CEP70: variants seen among roughly 807,000 people sequenced by gnomAD.
The protein encoded by CEP70 is centrosomal protein 70, also known as centrosomal protein of 70 kDa.
CEP70 carries 70 observed loss-of-function variants against 90.9 expected under a neutral mutation model. The observed-to-expected ratio is 0.77, with a 90% CI of 0.64 to 0.94. CEP70 has a LOEUF of 0.94. Ranked by LOEUF, CEP70 falls within the 40% of genes least tolerant of loss-of-function variation. The probability of loss-of-function intolerance (pLI) is 0.00; values close to 1 mark genes in which losing one functional copy is unlikely to be tolerated. For synonymous variants in CEP70, 220 were observed against 228.3 expected (o/e 0.96, Z 0.33); for missense variants, 648 against 669.0 (o/e 0.97, Z 0.35).
chr3:138,502,057 A>G (rs2034561778), intron 13 of CEP70, among the ~76,000 whole-genome samples: 1 of 152,252 alleles, frequency 6.6e-6, no homozygotes, highest in Non-Finnish European at 1.5e-5. Flanking sequence ...AAAGAAATGT[A>G]ATGTGAGCCA....
rs2034419802 is a variant in CEP70, at chr3:138,500,644, T to C, written c.1369-77A>G. On this transcript the variant is annotated intron_variant, in intron 14 of 17. Coordinates refer to ENST00000264982, the MANE Select transcript of CEP70 (RefSeq NM_024491.4). ...CAAATAAAAACTTTTAAAAGACAAA[T>C]AGAACTCTAGTAGAACAAATATCAA... The C allele has an allele frequency of 3.3e-6, 5 of 1,500,406 alleles. No homozygotes were observed. The South Asian group carries it at 4.1e-5, about 12-fold the overall frequency. The allele number at this position is 1,500,406 out of a possible 1,614,324, so 92.9% of individuals were successfully genotyped here.
chr3:138,565,882 C>T (rs1449773902), intron 6 of CEP70, among the ~76,000 whole-genome samples: 1 of 152,102 alleles, frequency 6.6e-6, no homozygotes, highest in Non-Finnish European at 1.5e-5. Context: ...TCAGAGTGAA[C>T]AGGCAACCTA....
chr3:138,543,238 T>C (rs1312227984), intron 6 of CEP70, among the ~76,000 whole-genome samples: 1 of 152,172 alleles, frequency 6.6e-6, no homozygotes, highest in Admixed American at 6.5e-5. Flanking sequence ...GCCCAGGCTG[T>C]CTGCACTGCA....
chr3:138,541,240 T>G (rs1576735045), intron 6 of CEP70, among the ~76,000 whole-genome samples: 2 of 152,050 alleles, frequency 1.3e-5, no homozygotes, highest in African/African-American at 4.8e-5. Flanking sequence ...GTTTAATAAA[T>G]AAGTACATTC....
Position 138,571,029 on chromosome 3 carries a change from C to T in CEP70, c.284+5G>A. ...ATTCAAAAGAAATCTTTTCCATTTT[C>T]TCACCTAAGCTGTTGATTAGTTTCT... On this transcript the variant is annotated splice_donor_5th_base_variant and intron_variant, in intron 5 of 17. Transcript: ENST00000264982. 6.6e-7 allele frequency: 1 copy of T among 1,525,946 alleles called. No individual in the cohort carries two copies. The highest frequency in any genetic ancestry group is 8.8e-7 in the Non-Finnish European group (1 of 1,139,906). 94.5% of individuals were successfully genotyped at this position (1,525,946 alleles called of 1,614,324 possible).
chr3:138,531,070 A>G (rs1413056774), intron 8 of CEP70, among the ~76,000 whole-genome samples: 2 of 152,176 alleles, frequency 1.3e-5, no homozygotes, highest in African/African-American at 4.8e-5. Context: ...ATCTGACCCA[A>G]GGATAATTTG....
intron 6 of CEP70, among the ~76,000 whole-genome samples, chr3:138,561,678 G>T (rs866072172): frequency 1.3e-5 from 2 of 152,042 alleles, no homozygotes; most frequent in Admixed American, 1.3e-4. Flanking sequence ...TAGAATAACC[G>T]GTTTAGAGAA....
At chr3:138,531,610 T>C (rs952107674) in intron 8 of CEP70, 1 of 152,066 alleles carries the variant, frequency 6.6e-6, no homozygotes, top group South Asian at 2.1e-4. Flanking sequence ...AGCTACTTGA[T>C]AAAATGCTGC....
At chr3:138,509,037 T>C (rs1027283584) in intron 11 of CEP70, among the ~76,000 whole-genome samples, 17 of 151,756 alleles carry the variant, frequency 1.1e-4, no homozygotes, top group African/African-American at 4.1e-4. Context: ...CCGGCCAGAG[T>C]TTAAAATTTT....
chr3:138,512,909 T>G (rs937991351), intron 11 of CEP70, among the ~76,000 whole-genome samples: 4 of 152,202 alleles, frequency 2.6e-5, no homozygotes, highest in Non-Finnish European at 5.9e-5. Context: ...GGTGCATCAA[T>G]GTGAGCTTCT....
intron 2 of CEP70, among the ~76,000 whole-genome samples, chr3:138,589,085 G>A (rs968741802): frequency 3.9e-5 from 6 of 152,164 alleles, no homozygotes; most frequent in South Asian, 4.1e-4. Context: ...GACTACTAAC[G>A]AGAACAAGGG....
At chr3:138,579,810 A>T (rs887671581) in intron 2 of CEP70, among the ~76,000 whole-genome samples, 3 of 151,860 alleles carry the variant, frequency 2.0e-5, no homozygotes, top group Non-Finnish European at 4.4e-5. Context: ...GGCTATGAGG[A>T]CAGACCCCTT....
chr3:138,499,355 ACTC>A (rs947454365), intron 16 of CEP70, among the ~76,000 whole-genome samples: 99 of 151,934 alleles, frequency 6.5e-4, no homozygotes, highest in Admixed American at 2.0e-3. Context: ...TCTTTTAAAA[ACTC>A]CTCAACATTT....
intron 6 of CEP70, among the ~76,000 whole-genome samples, chr3:138,567,630 A>T (rs907726446): frequency 6.6e-6 from 1 of 152,154 alleles, no homozygotes; most frequent in Non-Finnish European, 1.5e-5. Context: ...ATCTGTCATT[A>T]GTCCTTAATA....
intron 6 of CEP70, among the ~76,000 whole-genome samples, chr3:138,547,411 G>A (rs965846032): frequency 6.6e-6 from 1 of 152,148 alleles, no homozygotes; most frequent in African/African-American, 2.4e-5. Context: ...CATCTTAACT[G>A]TGCACTATCA....
At chr3:138,498,249 T>C in intron 16 of CEP70, 139 bp from the exon 17 acceptor site, 1 of 592,476 alleles carries the variant, frequency 1.7e-6, no homozygotes, top group Non-Finnish European at 2.9e-6. Context: ...CAGTCTTTTC[T>C]TTCTGAGCTT....
At chr3:138,544,444 T>C (rs908483041) in intron 6 of CEP70, among the ~76,000 whole-genome samples, 1 of 151,494 alleles carries the variant, frequency 6.6e-6, no homozygotes, top group Admixed American at 6.6e-5. Flanking sequence ...ACAACTACTA[T>C]GGAAAACAGT....
intron 11 of CEP70, among the ~76,000 whole-genome samples, chr3:138,508,765 G>A (rs140495133): frequency 2.0e-5 from 3 of 149,366 alleles, no homozygotes; most frequent in Non-Finnish European, 3.0e-5. Flanking sequence ...ACAGAATCTC[G>A]CTCTATCACC....
chr3:138,579,446 A>G (rs2041732877), intron 2 of CEP70, among the ~76,000 whole-genome samples: 1 of 151,644 alleles, frequency 6.6e-6, no homozygotes, highest in Non-Finnish European at 1.5e-5. Flanking sequence ...TGCAGTTCCA[A>G]AAGTAAACCT....
Sources: gnomAD v4.1 joint callset for allele counts (sites outside exome capture counted in the v4.1 genomes callset) on GRCh38, gnomAD v4.1.1 for gene constraint, MANE v1.5 for transcripts, NCBI Gene and HGNC (gene_info 2026-07-23, HGNC 2026-07-21) for gene names.